Variants in FARS2 observed in about 807,000 individuals in gnomAD.
The protein encoded by FARS2 is phenylalanine--tRNA ligase, mitochondrial.
A neutral mutation model predicts 46.4 loss-of-function variants in FARS2; 40 were observed. That is an observed-to-expected ratio of 0.86 (90% CI 0.67 to 1.12). FARS2 has a LOEUF of 1.12. Ranked by LOEUF, FARS2 falls within the 50% of genes most tolerant of loss-of-function variation. FARS2 has a pLI of 0.00. For synonymous variants in FARS2, 234 were observed against 214.9 expected, an observed-to-expected ratio of 1.09 and a Z score of -0.78; for missense variants, 513 against 567.9, an observed-to-expected ratio of 0.90 and a Z score of 0.98.
intron 6 of FARS2, among the ~76,000 whole-genome samples, chr6:5,616,239 G>A (rs561195511): frequency 6.6e-6 from 1 of 152,204 alleles, no homozygotes; most frequent in Admixed American, 6.5e-5. Flanking sequence ...GGGTAGTCTG[G>A]ATCCCTGATG....
intron 4 of FARS2, among the ~76,000 whole-genome samples, chr6:5,444,539 T>G (rs1764066067): frequency 6.7e-6 from 1 of 148,906 alleles, no homozygotes; most frequent in Admixed American, 6.7e-5. Flanking sequence ...GCCAGGTGTC[T>G]GAATTTAATT....
At chr6:5,398,046 A>G (rs73718095) in intron 2 of FARS2, among the ~76,000 whole-genome samples, 5,376 of 152,262 alleles carry the variant, frequency 0.035, 351 homozygotes, top group African/African-American at 0.12. Context: ...CGTGGTGGTG[A>G]TATGTTAACT....
At chr6:5,749,396 G>A (rs1761820843) in intron 6 of FARS2, among the ~76,000 whole-genome samples, 1 of 152,240 alleles carries the variant, frequency 6.6e-6, no homozygotes, top group African/African-American at 2.4e-5. Flanking sequence ...TGCAGTCAGG[G>A]TGGGGAGGAC....
At chr6:5,589,224 T>C (rs1054004193) in intron 5 of FARS2, among the ~76,000 whole-genome samples, 1 of 152,186 alleles carries the variant, frequency 6.6e-6, no homozygotes, top group African/African-American at 2.4e-5. Flanking sequence ...GTTCGGCTGC[T>C]TCCTAACTTA....
intron 1 of FARS2, among the ~76,000 whole-genome samples, chr6:5,345,042 T>C (rs1757141598): frequency 6.6e-6 from 1 of 152,040 alleles, no homozygotes; most frequent in Non-Finnish European, 1.5e-5. Context: ...TCTGCCCACA[T>C]TGGCCTCCCA....
chr6:5,369,692 G>A (rs957564097), intron 2 of FARS2, among the ~76,000 whole-genome samples: 3 of 152,132 alleles, frequency 2.0e-5, no homozygotes, highest in Non-Finnish European at 4.4e-5. Flanking sequence ...CACCCTCCCT[G>A]GCTTTGCATG....
chr6:5,410,151 TTTTTTG>T (rs1314924913), intron 3 of FARS2, among the ~76,000 whole-genome samples: 1 of 114,026 alleles, frequency 8.8e-6, no homozygotes, highest in African/African-American at 3.9e-5. Context: ...GTTTTTGTGT[TTTTTTG>T]TTTTTTTTTT....
rs1582803427 is a variant in FARS2 at position 5,706,165 on chromosome 6, A to C, written c.1218-65126A>C. Among the ~76,000 whole-genome samples, 4 of 152,242 alleles carry C rather than the reference A, an allele frequency of 2.6e-5. No homozygotes were observed. In the South Asian group the frequency reaches 8.3e-4, roughly 32 times the overall value. ...TAGATCCCTCGCCTGCGCAGTTGAC[A>C]ATAGGGTTCTCACTCCTATGAGAAT... On this transcript the variant is annotated intron_variant, in intron 6 of 6. Transcript: ENST00000274680.
At chr6:5,649,287 T>C (rs1777227710) in intron 6 of FARS2, among the ~76,000 whole-genome samples, 1 of 152,256 alleles carries the variant, frequency 6.6e-6, no homozygotes, top group Non-Finnish European at 1.5e-5. Context: ...TTTCTATTTA[T>C]GTCTTCACCA....
At chr6:5,491,202 T>G (rs385230) in intron 4 of FARS2, among the ~76,000 whole-genome samples, 41,714 of 152,056 alleles carry the variant, frequency 0.27, 6,027 homozygotes, top group African/African-American at 0.35. Context: ...ATATTCATGT[T>G]TTTGATGGCT....
chr6:5,268,035 C>CT (rs1765672058), intron 1 of FARS2, among the ~76,000 whole-genome samples: 1 of 152,108 alleles, frequency 6.6e-6, no homozygotes, highest in African/African-American at 2.4e-5. Flanking sequence ...CCTTCGCCCA[C>CT]TTTTTGATGG....
intron 5 of FARS2, among the ~76,000 whole-genome samples, chr6:5,603,763 T>TA (rs1042862891): frequency 6.6e-6 from 1 of 152,228 alleles, no homozygotes; most frequent in African/African-American, 2.4e-5. Flanking sequence ...ATTTTAAATG[T>TA]ATTACCTCCG....
intron 6 of FARS2, among the ~76,000 whole-genome samples, chr6:5,702,996 G>A (rs188715574): frequency 6.6e-6 from 1 of 152,316 alleles, no homozygotes; most frequent in Admixed American, 6.5e-5. Flanking sequence ...GTGGATATCG[G>A]CTTTTCAGTG....
At chr6:5,522,608 C>T (rs1769213661) in intron 4 of FARS2, among the ~76,000 whole-genome samples, 2 of 152,220 alleles carry the variant, frequency 1.3e-5, no homozygotes, top group Non-Finnish European at 2.9e-5. Context: ...TTTTATCCAT[C>T]GCTATTCCAA....
At chr6:5,635,412 G>T (rs1776495268) in intron 6 of FARS2, among the ~76,000 whole-genome samples, 1 of 150,636 alleles carries the variant, frequency 6.6e-6, no homozygotes, top group African/African-American at 2.5e-5. Flanking sequence ...GTTTTTGATA[G>T]AAAAAAGAGG....
At chr6:5,344,917 G>C (rs1757132256) in intron 1 of FARS2, among the ~76,000 whole-genome samples, 1 of 151,722 alleles carries the variant, frequency 6.6e-6, no homozygotes, top group Admixed American at 6.6e-5. Context: ...AACCTCCCGG[G>C]TAGCTGGTAA....
chr6:5,530,843 T>C (rs1297215010), intron 4 of FARS2, among the ~76,000 whole-genome samples: 1 of 147,602 alleles, frequency 6.8e-6, no homozygotes, highest in East Asian at 1.9e-4. Context: ...TTTATAAATA[T>C]ATCAATAGAT....
chr6:5,403,291 T>A (rs896396378), intron 2 of FARS2, among the ~76,000 whole-genome samples: 1 of 152,110 alleles, frequency 6.6e-6, no homozygotes, highest in Non-Finnish European at 1.5e-5. Context: ...GATACCTGAC[T>A]GCAAGTCTAC....
intron 6 of FARS2, among the ~76,000 whole-genome samples, chr6:5,711,399 T>G (rs1561815190): frequency 1.3e-5 from 2 of 152,170 alleles, no homozygotes. Flanking sequence ...CTCCCCACGC[T>G]TTAGTGTGGG....
Sources: allele counts gnomAD v4.1 joint callset (sites outside exome capture counted in the v4.1 genomes callset), GRCh38; gene constraint gnomAD v4.1.1; transcripts MANE v1.5; gene names NCBI Gene and HGNC (gene_info 2026-07-23, HGNC 2026-07-21).